The following NTM variants were observed in gnomAD, a reference collection of about 807,000 sequenced individuals.
NTM encodes the protein neurotrimin, also known as IgLON family member 2.
A neutral mutation model predicts 42.1 loss-of-function variants in NTM; 13 were observed. The observed-to-expected ratio is 0.31, with a 90% CI of 0.20 to 0.49. NTM has a LOEUF of 0.49. Among genes scored for constraint, NTM ranks in the 20% least tolerant of loss-of-function variants. NTM has a pLI of 0.99. For synonymous variants in NTM, 187 were observed against 179.2 expected (o/e 1.04, Z -0.35); for missense variants, 373 against 452.8 (o/e 0.82, Z 1.60).
intron 1 of NTM, among the ~76,000 whole-genome samples, chr11:131,828,827 A>T (rs963388787): frequency 3.3e-5 from 5 of 152,174 alleles, no homozygotes; most frequent in Admixed American, 1.3e-4. Flanking sequence ...TCTAAAGCCC[A>T]CTTTAAAAAT....
intron 7 of NTM, among the ~76,000 whole-genome samples, chr11:132,324,886 C>A (rs929885791): frequency 3.3e-5 from 5 of 151,196 alleles, no homozygotes; most frequent in East Asian, 3.9e-4. Context: ...ACTATCTGAT[C>A]TTTGACAAAC....
intron 1 of NTM, among the ~76,000 whole-genome samples, chr11:131,519,404 G>T (rs957061526): frequency 1.3e-5 from 2 of 150,634 alleles, no homozygotes; most frequent in Admixed American, 6.6e-5. Flanking sequence ...AGTTAGTTAA[G>T]ACCAGCCCAA....
chr11:132,140,239 C>T (rs2068813572), intron 2 of NTM, among the ~76,000 whole-genome samples: 1 of 152,172 alleles, frequency 6.6e-6, no homozygotes, highest in South Asian at 2.1e-4. Flanking sequence ...CCCGGAGCCT[C>T]TCTCTGACTA....
chr11:131,393,864 T>C (rs1340532387), intron 1 of NTM, among the ~76,000 whole-genome samples: 1 of 152,244 alleles, frequency 6.6e-6, no homozygotes, highest in East Asian at 1.9e-4. Context: ...TTTTGTTGTG[T>C]CATTTCCTAC....
Position 131,578,927 on chromosome 11 carries a change from G to A in NTM, c.82+208039G>A, listed in dbSNP as rs2137157978. Reference sequence around the variant, plus strand: ...GAGGTTCACAAGGCCTGGAAGCTTAGCAAGATAGTCACAGGAAAAAGACAG... The same window carrying A: ...GAGGTTCACAAGGCCTGGAAGCTTAACAAGATAGTCACAGGAAAAAGACAG... On this transcript the variant is annotated intron_variant, in intron 1 of 8. Transcript: ENST00000683400. 3.3e-5 allele frequency among the ~76,000 whole-genome samples: 5 copies of A among 152,286 alleles called. 1 individual carries two copies. The highest frequency in any genetic ancestry group is 6.8e-3 in the Middle Eastern group (2 of 294).
chr11:131,670,510 C>T (rs369205187), intron 1 of NTM, among the ~76,000 whole-genome samples: 1 of 152,020 alleles, frequency 6.6e-6, no homozygotes. Flanking sequence ...GCTGTGGCAA[C>T]GTGGGTTGGA....
chr11:132,204,719 T>C (rs1411032230), intron 3 of NTM, among the ~76,000 whole-genome samples: 1 of 152,114 alleles, frequency 6.6e-6, no homozygotes, highest in Non-Finnish European at 1.5e-5. Context: ...GCAAGGCCTT[T>C]GAGACCAAAG....
chr11:132,295,191 A>G (rs949805352), intron 4 of NTM, among the ~76,000 whole-genome samples: 1 of 152,124 alleles, frequency 6.6e-6, no homozygotes, highest in Admixed American at 6.6e-5. Context: ...CTTAAAAAAT[A>G]TACCCACTGT....
intron 1 of NTM, among the ~76,000 whole-genome samples, chr11:131,543,041 G>C (rs1032146855): frequency 3.3e-5 from 5 of 152,246 alleles, no homozygotes; most frequent in African/African-American, 1.2e-4. Flanking sequence ...TGCCAGTTAC[G>C]CTGCCTCCCA....
intron 2 of NTM, among the ~76,000 whole-genome samples, chr11:132,043,495 G>A (rs988885299): frequency 6.6e-6 from 1 of 152,192 alleles, no homozygotes; most frequent in Non-Finnish European, 1.5e-5. Flanking sequence ...AGTCCAGGGA[G>A]TAGCAAAGCA....
At chr11:131,735,838 G>A (rs1200494085) in intron 1 of NTM, among the ~76,000 whole-genome samples, 5 of 99,366 alleles carry the variant, frequency 5.0e-5, no homozygotes, top group African/African-American at 3.2e-4. Flanking sequence ...TTCATAAGGT[G>A]TGTGTGTGTG....
At chr11:131,707,250 TTG>T (rs2135250964) in intron 1 of NTM, among the ~76,000 whole-genome samples, 1 of 152,200 alleles carries the variant, frequency 6.6e-6, no homozygotes, top group South Asian at 2.1e-4. Flanking sequence ...CATGCAGTAT[TTG>T]TCTTTCTTTG....
chr11:132,261,149 C>A (rs2092825597), intron 4 of NTM, among the ~76,000 whole-genome samples: 1 of 152,146 alleles, frequency 6.6e-6, no homozygotes, highest in Non-Finnish European at 1.5e-5. Context: ...TCTTCCTTAT[C>A]TGTAGAAAAG....
chr11:131,723,808 A>G (rs2078641187), intron 1 of NTM, among the ~76,000 whole-genome samples: 1 of 151,942 alleles, frequency 6.6e-6, no homozygotes, highest in Non-Finnish European at 1.5e-5. Context: ...TTCTGTGTGT[A>G]TCTGTTTGTG....
chr11:131,615,629 C>T (rs963538645), intron 1 of NTM, among the ~76,000 whole-genome samples: 1 of 152,144 alleles, frequency 6.6e-6, no homozygotes, highest in African/African-American at 2.4e-5. Context: ...CTCAGCCTCC[C>T]GAAGTGCTGG....
chr11:131,561,755 G>A (rs1401451547), intron 1 of NTM, among the ~76,000 whole-genome samples: 1 of 152,004 alleles, frequency 6.6e-6, no homozygotes, highest in Non-Finnish European at 1.5e-5. Flanking sequence ...TTCCTTTCCT[G>A]GCCCGAGAAA....
chr11:132,313,132 C>T (rs2095327012), intron 6 of NTM, among the ~76,000 whole-genome samples: 1 of 151,720 alleles, frequency 6.6e-6, no homozygotes. Flanking sequence ...CCCACAGAGA[C>T]AGGTCTTCAG....
At chr11:131,664,576 G>A (rs991780985) in intron 1 of NTM, among the ~76,000 whole-genome samples, 1 of 152,022 alleles carries the variant, frequency 6.6e-6, no homozygotes, top group Non-Finnish European at 1.5e-5. Context: ...TATCCCCAGT[G>A]CCAGGTACCA....
intron 1 of NTM, among the ~76,000 whole-genome samples, chr11:131,387,600 A>G (rs564395888): frequency 1.8e-4 from 27 of 152,310 alleles, no homozygotes; most frequent in African/African-American, 5.8e-4. Flanking sequence ...AAAGTATTAT[A>G]TATTTCAAAA....
Sources: allele counts gnomAD v4.1 joint callset (sites outside exome capture counted in the v4.1 genomes callset), GRCh38; gene constraint gnomAD v4.1.1; transcripts MANE v1.5; gene names NCBI Gene and HGNC (gene_info 2026-07-23, HGNC 2026-07-21).